Variants in DNAJC7 observed in about 807,000 individuals in gnomAD.
The protein encoded by DNAJC7 is DnaJ heat shock protein family (Hsp40) member C7.
A neutral mutation model predicts 67.4 loss-of-function variants in DNAJC7; 18 were observed. That is an observed-to-expected ratio of 0.27 (90% CI 0.18 to 0.40). The LOEUF (loss-of-function observed/expected upper bound fraction) is 0.40. Among genes scored for constraint, DNAJC7 ranks in the 10% least tolerant of loss-of-function variants. The pLI is 1.00. For missense variants in DNAJC7, 419 were observed against 613.8 expected (o/e 0.68, Z 3.35); for synonymous variants, 220 against 207.8 (o/e 1.06, Z -0.50).
At chr17:42,016,121 C>G (rs782018821) in intron 1 of DNAJC7, 2 of 152,164 alleles carry the variant, frequency 1.3e-5, no homozygotes, top group Non-Finnish European at 2.9e-5. Context: ...TCTCTGATAT[C>G]CCAGGGGCCT....
intron 2 of DNAJC7, among the ~76,000 whole-genome samples, chr17:41,999,506 T>C (rs2051750041): frequency 6.6e-6 from 1 of 152,058 alleles, no homozygotes; most frequent in South Asian, 2.1e-4. Flanking sequence ...AGAGAGAAGC[T>C]ACTTTTCTCA....
intron 2 of DNAJC7, among the ~76,000 whole-genome samples, chr17:41,997,970 T>C (rs2051705983): frequency 6.6e-6 from 1 of 152,126 alleles, no homozygotes; most frequent in African/African-American, 2.4e-5. Context: ...TCAAACCATC[T>C]TCCTACCTCA....
At position 41,979,789 on chromosome 17, in the gene DNAJC7, C is replaced by T. The variant is rs1447283360; in HGVS notation, c.1384+2066G>A. On this transcript the variant is annotated intron_variant, in intron 12 of 13. Coordinates refer to ENST00000457167, the MANE Select transcript of DNAJC7 (RefSeq NM_003315.4). Reference sequence around the variant, plus strand: ...CAGCCTGGCCAATATGGTAAAACCCCGTCTCTACTTAAAATACAAAAATTA... The same window carrying T: ...CAGCCTGGCCAATATGGTAAAACCCTGTCTCTACTTAAAATACAAAAATTA... Among the ~76,000 whole-genome samples, 3 of 150,724 alleles carry T rather than the reference C, an allele frequency of 2.0e-5. 1 individual carries two copies. Among genetic ancestry groups the T allele is most frequent in the South Asian group, 4.2e-4 (2 of 4,746 alleles).
intron 5 of DNAJC7, among the ~76,000 whole-genome samples, chr17:41,993,003 T>C (rs552834903): frequency 6.6e-6 from 1 of 152,184 alleles, no homozygotes; most frequent in Non-Finnish European, 1.5e-5. Flanking sequence ...AACAAACTTA[T>C]GAATTACATT....
chr17:42,001,225 A>AC (rs2051798996), intron 1 of DNAJC7, among the ~76,000 whole-genome samples: 1 of 152,124 alleles, frequency 6.6e-6, no homozygotes, highest in Non-Finnish European at 1.5e-5. Context: ...TATAAGGAGC[A>AC]CCCATCCACT....
chr17:42,002,614 G>A (rs1315871548), intron 1 of DNAJC7, among the ~76,000 whole-genome samples: 1 of 152,148 alleles, frequency 6.6e-6, no homozygotes, highest in African/African-American at 2.4e-5. Context: ...TTCAAAAGAG[G>A]AAATAAGGCC....
chr17:41,978,344 C>A (rs964202605), intron 12 of DNAJC7, among the ~76,000 whole-genome samples: 1 of 152,170 alleles, frequency 6.6e-6, no homozygotes, highest in African/African-American at 2.4e-5. Flanking sequence ...TAGTGAATGA[C>A]CCCGAGTCAG....
At chr17:41,993,342 C>G (rs1555648048) in intron 5 of DNAJC7, among the ~76,000 whole-genome samples, 1 of 152,050 alleles carries the variant, frequency 6.6e-6, no homozygotes, top group African/African-American at 2.4e-5. Context: ...GCCTGTAGTC[C>G]CAGCTACTCA....
chr17:41,982,802 T>C (rs1352992971), intron 10 of DNAJC7, among the ~76,000 whole-genome samples: 4 of 151,724 alleles, frequency 2.6e-5, no homozygotes, highest in African/African-American at 9.7e-5. Flanking sequence ...CTACTAAAAA[T>C]ACAAAAAATT....
intron 1 of DNAJC7, among the ~76,000 whole-genome samples, chr17:42,006,882 A>G (rs1365632745): frequency 6.7e-6 from 1 of 148,992 alleles, no homozygotes; most frequent in East Asian, 2.0e-4. Flanking sequence ...GGCAGATCAC[A>G]AGGTCAGGAG....
intron 1 of DNAJC7, chr17:42,016,991 C>T: frequency 1.6e-6 from 2 of 1,259,778 alleles, no homozygotes; most frequent in South Asian, 1.6e-5. Context: ...ACGCGGGGGT[C>T]GGGGGCGATG....
intron 12 of DNAJC7, among the ~76,000 whole-genome samples, chr17:41,978,119 A>C (rs2051140423): frequency 6.6e-6 from 1 of 152,214 alleles, no homozygotes; most frequent in African/African-American, 2.4e-5. Flanking sequence ...GCCCACGATC[A>C]CATGGCAGCG....
At chr17:42,002,786 A>G (rs868984524) in intron 1 of DNAJC7, among the ~76,000 whole-genome samples, 1 of 152,218 alleles carries the variant, frequency 6.6e-6, no homozygotes, top group Non-Finnish European at 1.5e-5. Context: ...TAAGACATGG[A>G]CAATATATGT....
chr17:42,000,966 G>A, intron 1 of DNAJC7: 1 of 155,378 alleles, frequency 6.4e-6, no homozygotes, highest in South Asian at 2.0e-4. Flanking sequence ...AGGAAAAATG[G>A]TTACTCCATT....
intron 2 of DNAJC7, among the ~76,000 whole-genome samples, chr17:41,999,980 A>G (rs1555649260): frequency 1.4e-5 from 2 of 147,426 alleles, no homozygotes; most frequent in Non-Finnish European, 3.0e-5. Flanking sequence ...CACCAGGCCC[A>G]GCTAATTTTT....
intron 8 of DNAJC7, 88 bp downstream of exon 8, chr17:41,988,644 C>A: frequency 1.4e-6 from 2 of 1,430,146 alleles, no homozygotes; most frequent in Admixed American, 2.6e-5. Flanking sequence ...TTTCATCTTG[C>A]TTACCCTCAC....
intron 5 of DNAJC7, among the ~76,000 whole-genome samples, chr17:41,994,188 T>C (rs1304426984): frequency 6.6e-6 from 1 of 151,240 alleles, no homozygotes; most frequent in African/African-American, 2.4e-5. Context: ...ATACAAAAAT[T>C]AGCTGGGCGT....
intron 1 of DNAJC7, among the ~76,000 whole-genome samples, chr17:42,004,922 G>T (rs1477807320): frequency 6.6e-6 from 1 of 152,118 alleles, no homozygotes; most frequent in Non-Finnish European, 1.5e-5. Flanking sequence ...CTACTTGGGA[G>T]GCTAAGATGG....
At chr17:41,992,959 A>AG (rs1323962760) in intron 5 of DNAJC7, among the ~76,000 whole-genome samples, 1 of 152,262 alleles carries the variant, frequency 6.6e-6, no homozygotes, top group African/African-American at 2.4e-5. Context: ...GACAGTAGGC[A>AG]GAATTGCTTT....
Sources: gnomAD v4.1 joint callset for allele counts (sites outside exome capture counted in the v4.1 genomes callset) on GRCh38, gnomAD v4.1.1 for gene constraint, MANE v1.5 for transcripts, NCBI Gene and HGNC (gene_info 2026-07-23, HGNC 2026-07-21) for gene names.